The following FBXL18 variants were observed in gnomAD, a reference collection of about 807,000 sequenced individuals.
FBXL18 encodes the protein F-box and leucine rich repeat protein 18.
Under a neutral mutation model 46.0 loss-of-function variants are expected in FBXL18, and 36 were observed. That is an observed-to-expected ratio of 0.78 (90% CI 0.60 to 1.03). The LOEUF (loss-of-function observed/expected upper bound fraction) is 1.03, where lower values mean the gene tolerates loss of function less well. Ranked by LOEUF, FBXL18 falls within the 50% of genes least tolerant of loss-of-function variation. The pLI is 0.00. For synonymous variants in FBXL18, 557 were observed against 465.3 expected (o/e 1.20, Z -2.54); for missense variants, 977 against 1,004.1 (o/e 0.97, Z 0.36).
Position 5,491,249 on chromosome 7 carries a change from T to C in FBXL18, c.1982A>G (p.Gln661Arg), listed in dbSNP as rs1783914216. 9.9e-6 allele frequency: 16 copies of C among 1,612,598 alleles called. No homozygotes were observed. The highest frequency in any genetic ancestry group is 1.4e-5 in the Non-Finnish European group (16 of 1,179,530). The change falls in exon 4 of 5, where the codon CAG (glutamine) becomes CGG (arginine). Residue 661 changes from glutamine (Q) to arginine (R), a missense_variant. Gln to Arg is a conservative substitution (Grantham distance 43). Transcript: ENST00000382368. ...CACTCACCTGCGGAGAAGCGACTGCTGCAGGCTCTTGCAGGTGGCGAGGGA... is the reference window on the plus strand; with the variant it reads ...CACTCACCTGCGGAGAAGCGACTGCCGCAGGCTCTTGCAGGTGGCGAGGGA... ...GESLATCKSL[Q>R]QSLLRSFQAE...
chr7:5,488,725 G>T (rs1379549020), intron 4 of FBXL18, among the ~76,000 whole-genome samples: 3 of 152,172 alleles, frequency 2.0e-5, no homozygotes, highest in South Asian at 4.1e-4. Flanking sequence ...GCAAGCGTAT[G>T]GGGGGCGAAG....
At chr7:5,474,686 T>TATTTA (rs1554317765), downstream of FBXL18, among the ~76,000 whole-genome samples, 1,080 of 39,448 alleles carry the variant, frequency 0.027, 23 homozygotes, top group Admixed American at 0.082. Flanking sequence ...GCACTTTATT[T>TATTTA]TTTATTTATT....
At chr7:5,469,899 T>C (rs954668455) in intron 4 of FBXL18, among the ~76,000 whole-genome samples, 2 of 150,404 alleles carry the variant, frequency 1.3e-5, no homozygotes, top group South Asian at 2.1e-4. Context: ...TGCGAGGGCA[T>C]GTGTGTGGGT....
Position 5,501,258 on chromosome 7 carries a change from G to A in FBXL18, c.1011C>T (p.Asn337=), listed in dbSNP as rs566551368. ...SGGHLIQQVI[N]GGKDLRSLAS... is the part of the protein sequence containing the mutation. ...CCAGGCTCCGCAGGTCCTTCCCGCCGTTGATGACCTGCTGGATCAGATGGC... is the reference window on the plus strand; with the variant it reads ...CCAGGCTCCGCAGGTCCTTCCCGCCATTGATGACCTGCTGGATCAGATGGC... The change falls in exon 3 of 5, where the codon AAC becomes AAT. Residue 337 remains asparagine, a synonymous_variant. Coordinates refer to ENST00000382368, the MANE Select transcript of FBXL18 (RefSeq NM_024963.6). The A allele has an allele frequency of 3.1e-6, 5 of 1,613,996 alleles. No individual in the cohort carries two copies. The highest frequency in any genetic ancestry group is 1.1e-5 in the South Asian group (1 of 91,072).
chr7:5,471,505 T>C (rs1415219901), downstream of FBXL18, among the ~76,000 whole-genome samples: 1 of 152,034 alleles, frequency 6.6e-6, no homozygotes, highest in Non-Finnish European at 1.5e-5. Flanking sequence ...CTCAATCTCC[T>C]GACCTCGTGA....
chr7:5,490,736 A>G (rs1222250324), intron 4 of FBXL18, among the ~76,000 whole-genome samples: 1 of 152,196 alleles, frequency 6.6e-6, no homozygotes, highest in South Asian at 2.1e-4. Flanking sequence ...AGGCCGAGGC[A>G]GGCGGATCAC....
chr7:5,494,353 T>C (rs1784017335), intron 3 of FBXL18, among the ~76,000 whole-genome samples: 2 of 151,854 alleles, frequency 1.3e-5, no homozygotes, highest in South Asian at 4.1e-4. Context: ...GCAGGAGAAT[T>C]GCTTGGAGGC....
At chr7:5,505,344 G>A (rs1304161990) in intron 2 of FBXL18, 68 bp downstream of exon 2, 1 of 1,438,488 alleles carries the variant, frequency 7.0e-7, no homozygotes, top group African/African-American at 1.4e-5. Context: ...TCCACTGCAG[G>A]GCTGTGCCCA....
At chr7:5,463,728 A>ATTTATTTTTTTTTTTTTT (rs1562672288) in intron 4 of FBXL18, among the ~76,000 whole-genome samples, 3 of 53,032 alleles carry the variant, frequency 5.7e-5, no homozygotes, top group African/African-American at 1.6e-4. Flanking sequence ...TTATTTATTT[A>ATTTATTTTTTTTTTTTTT]TTTTTTTTTT....
rs114848631 is a variant in FBXL18, at chr7:5,454,616, C to G, written c.2001-6773G>C. Among the ~76,000 whole-genome samples, 322 of 152,192 alleles carry G rather than the reference C, an allele frequency of 2.1e-3. 1 individual carries two copies. Among genetic ancestry groups the G allele is most frequent in the African/African-American group, 7.5e-3 (313 of 41,538 alleles). On this transcript the variant is annotated intron_variant and NMD_transcript_variant, in intron 4 of 6. Transcript: ENST00000415009. ...AGAAGCAGGAGGAAAGAAATGAGTT[C>G]CTCAATGAGTGAAAAGAAAGAACCT...
At position 5,501,111 on chromosome 7, in the gene FBXL18, G is replaced by C; in HGVS notation, c.1158C>G (p.Arg386=). The C allele has an allele frequency of 6.2e-7, 1 of 1,612,918 alleles. No individual in the cohort carries two copies. ...ETLVASCCNL[R]HLNLSAAHHH... ...GGTGGGCGGCCGAGAGGTTCAGGTG[G>C]CGCAGGTTGCAGCAGGACGCCACCA... Residue 386 remains arginine (R), a synonymous_variant, in exon 3 of 5, where the codon CGC becomes CGG. Transcript: ENST00000382368.
At chr7:5,491,815 C>T (rs577499027) in intron 3 of FBXL18, among the ~76,000 whole-genome samples, 33 of 152,280 alleles carry the variant, frequency 2.2e-4, no homozygotes, top group African/African-American at 2.9e-4. Flanking sequence ...TGCTGGGCAG[C>T]GGATGCAAAG....
In FBXL18 at chr7:5,455,655, C is replaced by G. The variant is rs964457687; in HGVS notation, c.2001-7812G>C. ...CTCCGGGATTGCTGACCATCCACTT[C>G]CCCGCAGGGGGGCTCAAACCCAGGC... On this transcript the variant is annotated intron_variant and NMD_transcript_variant, in intron 4 of 6. Coordinates refer to the FBXL18 transcript ENST00000415009. This position sits in a 1 kb window ranked among gnomAD's most constrained non-coding sequence, Gnocchi z 4.6. 4.6e-5 allele frequency among the ~76,000 whole-genome samples: 7 copies of G among 152,126 alleles called. No homozygotes were observed. Among genetic ancestry groups the G allele is most frequent in the African/African-American group, 1.7e-4 (7 of 41,412 alleles).
rs1408837494 is a variant in FBXL18, at chr7:5,480,256, C to T, written c.*1519G>A. On this transcript the variant is annotated 3_prime_UTR_variant, in exon 5 of 5. Transcript: ENST00000382368. ...TGGACAAGGGGCCCTTCACCAAGAG[C>T]GGCCAGGGCGGCGGTCCAGGCTAGC... 6.6e-6 allele frequency among the ~76,000 whole-genome samples: 1 copy of T among 152,096 alleles called. No homozygotes were observed. Among genetic ancestry groups the T allele is most frequent in the Non-Finnish European group, 1.5e-5 (1 of 68,026 alleles).
intron 4 of FBXL18, among the ~76,000 whole-genome samples, chr7:5,470,305 C>T (rs886623373): frequency 1.3e-5 from 2 of 152,126 alleles, no homozygotes; most frequent in Admixed American, 6.5e-5. Flanking sequence ...CTCAGGGGCC[C>T]CGTGACCAAG....
intron 4 of FBXL18, among the ~76,000 whole-genome samples, chr7:5,490,772 C>A (rs1783901113): frequency 1.3e-5 from 2 of 152,180 alleles, no homozygotes; most frequent in Admixed American, 1.3e-4. Context: ...CGAGACCAGC[C>A]TGACCAACAT....
Position 5,468,173 on chromosome 7 carries a change from C to CG in FBXL18, c.2001-20331dup, listed in dbSNP as rs542613521. ...AATTTTTCTGTATTTTTAGTAGAGA[C>CG]GGGGTTTCACCGTGTTAGCCAGGAT... On this transcript the variant is annotated intron_variant and NMD_transcript_variant, in intron 4 of 6. Transcript: ENST00000415009. 1.1e-3 allele frequency among the ~76,000 whole-genome samples: 172 copies of CG among 152,160 alleles called. 1 individual carries two copies. The highest frequency in any genetic ancestry group is 4.0e-3 in the African/African-American group (167 of 41,526).
At position 5,469,117 on chromosome 7, in the gene FBXL18, A is replaced by T. The variant is rs376155310; in HGVS notation, c.2001-21274T>A. 2.6e-5 allele frequency among the ~76,000 whole-genome samples: 4 copies of T among 152,282 alleles called. No homozygotes were observed. The East Asian group carries it at 7.7e-4, about 29-fold the overall frequency. ...GTGACTATGTATGAAGAATGTGTGT[A>T]AGAATGAGTTATGAGTGGACTCTGT... On this transcript the variant is annotated intron_variant and NMD_transcript_variant, in intron 4 of 6. Transcript: ENST00000415009.
At chr7:5,485,611 C>G (rs1241155875) in intron 4 of FBXL18, among the ~76,000 whole-genome samples, 3 of 151,700 alleles carry the variant, frequency 2.0e-5, no homozygotes, top group African/African-American at 7.3e-5. Flanking sequence ...TCCAGGAGTT[C>G]AAGACCACCC....
Sources: gnomAD v4.1 joint callset for allele counts (sites outside exome capture counted in the v4.1 genomes callset) on GRCh38, gnomAD v4.1.1 for gene constraint, Gnocchi (gnomAD v3.1) non-coding constraint, MANE v1.5 for transcripts, NCBI Gene and HGNC (gene_info 2026-07-23, HGNC 2026-07-21) for gene names.